The following ANLN variants were observed in gnomAD, a reference collection of about 807,000 sequenced individuals.
ANLN encodes anillin.
A neutral mutation model predicts 135.1 loss-of-function variants in ANLN; 59 were observed. That is an observed-to-expected ratio of 0.44 (90% CI 0.35 to 0.54). The LOEUF is 0.54. ANLN is among the 20% of genes least tolerant of loss of function. The probability of loss-of-function intolerance (pLI) is 0.00; values close to 1 mark genes in which losing one functional copy is unlikely to be tolerated. For synonymous variants in ANLN, 406 were observed against 456.4 expected (o/e 0.89, Z 1.41); for missense variants, 1,182 against 1,340.0 (o/e 0.88, Z 1.84).
At chr7:36,408,615 A>G (rs1787287115) in intron 5 of ANLN, among the ~76,000 whole-genome samples, 1 of 152,202 alleles carries the variant, frequency 6.6e-6, no homozygotes, top group South Asian at 2.1e-4. Context: ...TTTGAAGTAT[A>G]CAATAGATTA....
Position 36,411,300 on chromosome 7 carries a change from T to C in ANLN, c.1395+134T>C, listed in dbSNP as rs1787403962. On this transcript the variant is annotated intron_variant, in intron 7 of 23. Coordinates refer to ENST00000265748, the MANE Select transcript of ANLN (RefSeq NM_018685.5). ...AACTCTGTCACTTTTCGTTTATAAATCCCTTAAATGTGTGTACCAACTCTT... is the reference window on the plus strand; with the variant it reads ...AACTCTGTCACTTTTCGTTTATAAACCCCTTAAATGTGTGTACCAACTCTT... 4.5e-6 allele frequency: 3 copies of C among 669,696 alleles called. No homozygotes were observed. In the East Asian group the frequency reaches 8.7e-5, roughly 20 times the overall value. The allele number at this position is 669,696 out of a possible 1,614,324, so 41.5% of individuals were successfully genotyped here. A position where few individuals can be genotyped will look rare whatever the true frequency, so the allele number is the denominator to read the frequency against.
chr7:36,400,644 G>A (rs781432810), intron 3 of ANLN, among the ~76,000 whole-genome samples: 11 of 152,092 alleles, frequency 7.2e-5, no homozygotes, highest in Non-Finnish European at 1.5e-4. Flanking sequence ...TTACAGTAAT[G>A]AGCCACCGCA....
chr7:36,426,885 G>A (rs761960450), intron 19 of ANLN, 31 bp from the exon 20 acceptor site: 4 of 1,419,230 alleles, frequency 2.8e-6, no homozygotes, highest in Non-Finnish European at 3.9e-6. Context: ...AAGTCATTCT[G>A]AACTAAACTT....
rs1390425605 is a variant in ANLN, at chr7:36,408,765, T to C, written c.1096+809T>C. ...TGTGTGTATATTGTGTGTGAGCATT[T>C]ACATATAAAACAAAATTTCTTACCA... On this transcript the variant is annotated intron_variant, in intron 5 of 23. Transcript: ENST00000265748. Among the ~76,000 whole-genome samples the C allele has an allele frequency of 2.0e-5, 3 of 152,212 alleles. No homozygotes were observed. The East Asian group carries it at 5.8e-4, about 29-fold the overall frequency.
Position 36,452,746 on chromosome 7 carries a change from T to TAAATA in ANLN, c.*146_*147insAAATA. 1 of 843,252 alleles carries TAAATA rather than the reference T, an allele frequency of 1.2e-6. No homozygotes were observed. The highest frequency in any genetic ancestry group is 1.8e-6 in the Non-Finnish European group (1 of 567,488). 52.2% of individuals were successfully genotyped at this position (843,252 alleles called of 1,614,324 possible). Reference sequence around the variant, plus strand: ...CACTACGTATTATGCAGTATTTATATCTTTTGTATGTAAAACTTTAACTGA... The same window carrying TAAATA: ...CACTACGTATTATGCAGTATTTATATAAATACTTTTGTATGTAAAACTTTAACTGA... On this transcript the variant is annotated 3_prime_UTR_variant, in exon 24 of 24. Transcript: ENST00000265748.
chr7:36,396,387 C>A lies in ANLN; in HGVS notation c.140C>A (p.Ala47Glu). 1 of 1,596,306 alleles carries A rather than the reference C, an allele frequency of 6.3e-7. No homozygotes were observed. The highest frequency in any genetic ancestry group is 8.6e-7 in the Non-Finnish European group (1 of 1,166,700). ...CGAGCTAGACAGCCACTTTCAGAAGCAAGTAACCAGCAGCCCCTCTCTGGT... is the reference window on the plus strand; with the variant it reads ...CGAGCTAGACAGCCACTTTCAGAAGAAAGTAACCAGCAGCCCCTCTCTGGT... ...AKRARQPLSE[A>E]SNQQPLSGGE... The change falls in exon 2 of 24, where the codon GCA (alanine) becomes GAA (glutamate). Residue 47 changes from alanine (A) to glutamate (E), a missense_variant. By Grantham distance (107) the Ala-to-Glu change is moderately radical (BLOSUM62 -1). Coordinates refer to ENST00000265748, the MANE Select transcript of ANLN (RefSeq NM_018685.5).
intron 20 of ANLN, among the ~76,000 whole-genome samples, chr7:36,431,597 G>GTGTGTGTGTT (rs1306528982): frequency 1.1e-4 from 3 of 27,446 alleles, no homozygotes; most frequent in Non-Finnish European, 2.7e-4. Flanking sequence ...GTGTGTGTGT[G>GTGTGTGTGTT]TATATATATA....
intron 21 of ANLN, among the ~76,000 whole-genome samples, chr7:36,440,938 A>G (rs930755067): frequency 9.9e-5 from 15 of 152,222 alleles, no homozygotes; most frequent in African/African-American, 3.6e-4. Flanking sequence ...TCAAAGGTTC[A>G]GAAAGAAGAG....
At chr7:36,400,864 T>G (rs1438549564) in intron 3 of ANLN, among the ~76,000 whole-genome samples, 1 of 152,208 alleles carries the variant, frequency 6.6e-6, no homozygotes, top group Non-Finnish European at 1.5e-5. Context: ...TGTCTTATTT[T>G]TTTTAAAGCT....
chr7:36,451,642 A>G (rs910916296), intron 23 of ANLN, among the ~76,000 whole-genome samples: 5 of 152,236 alleles, frequency 3.3e-5, no homozygotes, highest in African/African-American at 9.6e-5. Flanking sequence ...AGTGGTGGCT[A>G]TTATAAGTGC....
chr7:36,413,400 T>A (rs1469525905), intron 7 of ANLN, among the ~76,000 whole-genome samples: 1 of 152,174 alleles, frequency 6.6e-6, no homozygotes, highest in Non-Finnish European at 1.5e-5. Context: ...TTCAGTTGAT[T>A]AGTAGCATTT....
rs117764865 is a variant in ANLN at position 36,418,807 on chromosome 7, G to A, written c.1634-437G>A. On this transcript the variant is annotated intron_variant, in intron 9 of 23. Coordinates refer to ENST00000265748, the MANE Select transcript of ANLN (RefSeq NM_018685.5). The stretch of plus-strand genomic sequence containing the variant: ...TCACTCTTGTCCCCCAGGCTAGAGC[G>A]CAATGGCACAATCTGGGCTCACTGC... 1.9e-3 allele frequency among the ~76,000 whole-genome samples: 285 copies of A among 150,000 alleles called. 2 individuals carry two copies. The East Asian group carries it at 0.03, about 16-fold the overall frequency.
At chr7:36,445,198 G>T (rs1583660357) in intron 22 of ANLN, among the ~76,000 whole-genome samples, 2 of 53,956 alleles carry the variant, frequency 3.7e-5, no homozygotes, top group Non-Finnish European at 3.5e-5. Context: ...TCAGATTTTG[G>T]AATATTTGCA....
At chr7:36,393,478 A>G (rs1045172130) in intron 1 of ANLN, among the ~76,000 whole-genome samples, 1 of 152,212 alleles carries the variant, frequency 6.6e-6, no homozygotes, top group Non-Finnish European at 1.5e-5. Context: ...CCAGGTATAC[A>G]TATTCAACAG....
chr7:36,437,114 A>T (rs1434358735), intron 20 of ANLN, among the ~76,000 whole-genome samples: 2 of 152,254 alleles, frequency 1.3e-5, no homozygotes, highest in East Asian at 3.9e-4. Flanking sequence ...CATGACTGAA[A>T]TTCTGTACTC....
In ANLN at chr7:36,411,043, CT is replaced by C; in HGVS notation, c.1288-12del. The C allele has an allele frequency of 6.4e-7, 1 of 1,571,084 alleles. No homozygotes were observed. Among genetic ancestry groups the C allele is most frequent in the Non-Finnish European group, 8.6e-7 (1 of 1,166,304 alleles). On this transcript the variant is annotated splice_polypyrimidine_tract_variant and intron_variant, in intron 6 of 23. Transcript: ENST00000265748. Reference sequence around the variant, plus strand: ...CTACCGGCTCTTGTGTAAAATACAGCTTTTGATGGGTTTAGGAACGTCAAAA... The same window carrying C: ...CTACCGGCTCTTGTGTAAAATACAGCTTTGATGGGTTTAGGAACGTCAAAA...
chr7:36,427,000 T>G lies in ANLN; in HGVS notation c.2855T>G (p.Val952Gly). The change falls in exon 20 of 24, where the codon GTA becomes GGA. Residue 952 changes from valine (V) to glycine (G), a missense_variant. Val to Gly is a moderately radical substitution (Grantham distance 109). Transcript: ENST00000265748. ...VGSYTLSLSS[V>G]GNTKFVLDKV... Reference sequence around the variant, plus strand: ...TCTTACACATTATCATTGTCTTCAGTAGGAAATACTAAGTTTGTTCTGGAC... The same window carrying G: ...TCTTACACATTATCATTGTCTTCAGGAGGAAATACTAAGTTTGTTCTGGAC... 1 of 1,611,420 alleles carries G rather than the reference T, an allele frequency of 6.2e-7. No individual in the cohort carries two copies. The highest frequency in any genetic ancestry group is 8.5e-7 in the Non-Finnish European group (1 of 1,178,760).
At chr7:36,399,997 A>C (rs78002727) in intron 3 of ANLN, among the ~76,000 whole-genome samples, 6 of 152,094 alleles carry the variant, frequency 3.9e-5, no homozygotes, top group Non-Finnish European at 7.4e-5. Flanking sequence ...AAAAAAAAAA[A>C]GCTTTGAGAT....
At chr7:36,440,105 A>G (rs138146020) in intron 21 of ANLN, among the ~76,000 whole-genome samples, 1,716 of 151,556 alleles carry the variant, frequency 0.011, 23 homozygotes, top group Non-Finnish European at 0.017. Flanking sequence ...GCCTGGAAAC[A>G]TGTGTGAAAG....
Sources: gnomAD v4.1 joint callset for allele counts (sites outside exome capture counted in the v4.1 genomes callset) on GRCh38, gnomAD v4.1.1 for gene constraint, MANE v1.5 for transcripts, NCBI Gene and HGNC (gene_info 2026-07-23, HGNC 2026-07-21) for gene names.